CSMD2: variants seen among roughly 807,000 people sequenced by gnomAD.
The protein encoded by CSMD2 is CUB and sushi domain-containing protein 2.
Under a neutral mutation model 398.5 loss-of-function variants are expected in CSMD2, and 130 were observed. The observed-to-expected ratio is 0.33, with a 90% CI of 0.28 to 0.38. The LOEUF (loss-of-function observed/expected upper bound fraction) is 0.38. CSMD2 is among the 10% of genes least tolerant of loss of function. CSMD2 has a pLI of 1.00. For missense variants in CSMD2, 3,829 were observed against 4,764.9 expected (o/e 0.80, Z 5.78); for synonymous variants, 1,828 against 1,908.5 (o/e 0.96, Z 1.10).
intron 5 of CSMD2, among the ~76,000 whole-genome samples, chr1:33,898,996 T>A (rs1053775721): frequency 2.0e-5 from 3 of 152,198 alleles, no homozygotes; most frequent in African/African-American, 7.2e-5. Flanking sequence ...TGGGCTGTCA[T>A]TGCCCGGAGA....
intron 3 of CSMD2, among the ~76,000 whole-genome samples, chr1:34,031,406 A>C (rs1177466827): frequency 6.6e-6 from 1 of 152,108 alleles, no homozygotes; most frequent in African/African-American, 2.4e-5. Flanking sequence ...TATTTCAGGA[A>C]TCCTCACTTT....
chr1:33,877,080 C>G (rs917472097), intron 5 of CSMD2, among the ~76,000 whole-genome samples: 2 of 152,192 alleles, frequency 1.3e-5, no homozygotes, highest in African/African-American at 4.8e-5. Context: ...TGCTGCAGCA[C>G]AAGCCCTCTT....
At chr1:33,774,211 G>A (rs1651670746) in intron 12 of CSMD2, among the ~76,000 whole-genome samples, 1 of 151,812 alleles carries the variant, frequency 6.6e-6, no homozygotes, top group Admixed American at 6.6e-5. Context: ...GTGACCATGT[G>A]CCAGGTGTGA....
intron 55 of CSMD2, 134 bp downstream of exon 55, chr1:33,557,600 C>T: frequency 1.2e-6 from 1 of 828,806 alleles, no homozygotes; most frequent in Non-Finnish European, 1.8e-6. Context: ...CACCATAAGG[C>T]AACTCATACA....
At position 33,519,555 on chromosome 1, in the gene CSMD2, G is replaced by A. The variant is rs775462284; in HGVS notation, c.10859C>T (p.Ala3620Val). 9 of 1,614,018 alleles carry A rather than the reference G, an allele frequency of 5.6e-6. No homozygotes were observed. The highest frequency in any genetic ancestry group is 2.2e-5 in the East Asian group (1 of 44,864). ...GCACACTGTGCTGACTGTGAACTCC[G>A]CCTCGCTGGCCATGATGTCTGTGGG... ...IQPTDIMASE[A>V]EFTVSTVCTA... The change falls in exon 70 of 71, where the codon GCG (alanine) becomes GTG (valine). Residue 3620 changes from alanine to valine, a missense_variant. Around this residue, in one of 5 missense-constraint regions of CSMD2, gnomAD observed 917 missense variants for 1,199.5 expected, o/e 0.76. Coordinates refer to ENST00000373381, the MANE Select transcript of CSMD2 (RefSeq NM_001281956.2). This position sits in a 1 kb window ranked among gnomAD's most constrained non-coding sequence, Gnocchi z 5.6.
At chr1:33,866,577 T>C (rs924294239) in intron 5 of CSMD2, among the ~76,000 whole-genome samples, 1 of 152,224 alleles carries the variant, frequency 6.6e-6, no homozygotes. Context: ...ATTGAGAAAA[T>C]AGAGATCCTC....
At chr1:34,107,016 G>A (rs1397843424) in intron 1 of CSMD2, among the ~76,000 whole-genome samples, 1 of 152,178 alleles carries the variant, frequency 6.6e-6, no homozygotes, top group Non-Finnish European at 1.5e-5. Flanking sequence ...TGGACTAGCA[G>A]AAGCATCTCT....
intron 19 of CSMD2, among the ~76,000 whole-genome samples, chr1:33,720,593 C>T (rs528059): frequency 0.12 from 18,062 of 152,206 alleles, 2,136 homozygotes; most frequent in African/African-American, 0.29. Context: ...TGGCAAGTTC[C>T]AGAAACTGAA....
At chr1:33,890,294 G>A (rs1001608294) in intron 5 of CSMD2, among the ~76,000 whole-genome samples, 33 of 146,936 alleles carry the variant, frequency 2.2e-4, no homozygotes, top group Non-Finnish European at 3.9e-4. Flanking sequence ...GCAGTGGAGC[G>A]ATCGTTGCTC....
At chr1:33,937,261 A>T (rs1323091886) in intron 3 of CSMD2, among the ~76,000 whole-genome samples, 1 of 152,214 alleles carries the variant, frequency 6.6e-6, no homozygotes, top group Admixed American at 6.5e-5. Context: ...GGACAGGAAC[A>T]GGTAGGGAAC....
intron 25 of CSMD2, among the ~76,000 whole-genome samples, chr1:33,676,185 G>T (rs1347912229): frequency 2.6e-5 from 4 of 152,200 alleles, no homozygotes; most frequent in Admixed American, 2.6e-4. Flanking sequence ...GTTTGCAGAT[G>T]ACATGATTGT....
chr1:34,152,011 T>A (rs1343832493), intron 1 of CSMD2, among the ~76,000 whole-genome samples: 1 of 151,848 alleles, frequency 6.6e-6, no homozygotes, highest in Non-Finnish European at 1.5e-5. Context: ...CCCAGCTAAT[T>A]ATTTATTTAT....
At chr1:34,081,191 T>TA (rs950407124) in intron 2 of CSMD2, among the ~76,000 whole-genome samples, 4 of 151,256 alleles carry the variant, frequency 2.6e-5, no homozygotes, top group Admixed American at 1.3e-4. Context: ...GCAAGAACAT[T>TA]AAAAAAAAAT....
chr1:34,041,804 A>T (rs1443773187), intron 2 of CSMD2, among the ~76,000 whole-genome samples: 1 of 152,190 alleles, frequency 6.6e-6, no homozygotes, highest in Non-Finnish European at 1.5e-5. Flanking sequence ...CTTGGCAAAG[A>T]AAAAGGACCA....
At chr1:33,776,639 C>T (rs1224933637) in intron 12 of CSMD2, among the ~76,000 whole-genome samples, 2 of 152,010 alleles carry the variant, frequency 1.3e-5, no homozygotes, top group Non-Finnish European at 2.9e-5. Flanking sequence ...CCCTTGGCCA[C>T]TCAGTTCCTG....
chr1:33,759,153 A>G (rs935376299), intron 13 of CSMD2, among the ~76,000 whole-genome samples: 7 of 152,246 alleles, frequency 4.6e-5, no homozygotes, highest in Non-Finnish European at 1.0e-4. Context: ...GTGACAGTTA[A>G]GGAATGATGA....
chr1:33,704,749 T>C (rs1051868701), intron 22 of CSMD2, among the ~76,000 whole-genome samples: 1 of 152,250 alleles, frequency 6.6e-6, no homozygotes, highest in East Asian at 1.9e-4. Flanking sequence ...TCAAACCTAC[T>C]TGGTCGTCTT....
intron 10 of CSMD2, among the ~76,000 whole-genome samples, chr1:33,801,781 G>C (rs1172993804): frequency 6.6e-6 from 1 of 152,206 alleles, no homozygotes; most frequent in Non-Finnish European, 1.5e-5. Flanking sequence ...GAGAAGGGAA[G>C]GCACACTGGG....
chr1:33,575,766 C>A (rs1368024798), intron 49 of CSMD2, among the ~76,000 whole-genome samples: 1 of 152,138 alleles, frequency 6.6e-6, no homozygotes, highest in East Asian at 1.9e-4. Flanking sequence ...TTGTGGACAG[C>A]CAGTTCACTG....
Sources: allele counts gnomAD v4.1 joint callset (sites outside exome capture counted in the v4.1 genomes callset), GRCh38; gene constraint gnomAD v4.1.1; regional missense constraint gnomAD v4.1.1; non-coding constraint Gnocchi (gnomAD v3.1); transcripts MANE v1.5; gene names NCBI Gene and HGNC (gene_info 2026-07-23, HGNC 2026-07-21).